Variants in OLFM3 observed in about 807,000 individuals in gnomAD.
The protein encoded by OLFM3 is noelin-3.
Under a neutral mutation model 48.6 loss-of-function variants are expected in OLFM3, and 20 were observed. That is an observed-to-expected ratio of 0.41 (90% CI 0.29 to 0.60). The LOEUF (loss-of-function observed/expected upper bound fraction) is 0.60. Among genes scored for constraint, OLFM3 ranks in the 20% least tolerant of loss-of-function variants. The pLI is 0.28. For synonymous variants in OLFM3, 222 were observed against 198.1 expected (o/e 1.12, Z -1.01); for missense variants, 437 against 544.3 (o/e 0.80, Z 1.96).
Position 101,912,745 on chromosome 1 carries a change from T to A in OLFM3, c.70-75720A>T, listed in dbSNP as rs146179102. The stretch of plus-strand genomic sequence containing the variant: ...CTACCTACAATCTCTTATGATATTA[T>A]CTAAATTTCCTCCATTAGATATTTG... On this transcript the variant is annotated intron_variant, in intron 1 of 5. Transcript: ENST00000370103. 3.3e-4 allele frequency among the ~76,000 whole-genome samples: 51 copies of A among 152,336 alleles called. 1 individual carries two copies. In the East Asian group the frequency reaches 8.9e-3, roughly 27 times the overall value.
intron 3 of OLFM3, among the ~76,000 whole-genome samples, chr1:101,827,922 T>C (rs1223085612): frequency 6.6e-6 from 1 of 152,182 alleles, no homozygotes; most frequent in Non-Finnish European, 1.5e-5. Context: ...GATTGTATCA[T>C]GGGGGTGGTT....
chr1:101,922,013 A>G (rs747726388), intron 1 of OLFM3, among the ~76,000 whole-genome samples: 1 of 151,924 alleles, frequency 6.6e-6, no homozygotes, highest in Non-Finnish European at 1.5e-5. Context: ...GAGCAGAGAT[A>G]GTGACACTGC....
At chr1:101,912,299 T>A (rs1220844190) in intron 1 of OLFM3, among the ~76,000 whole-genome samples, 2 of 152,172 alleles carry the variant, frequency 1.3e-5, no homozygotes, top group Non-Finnish European at 2.9e-5. Context: ...ACACTTTAAA[T>A]CTCAACTAAT....
At chr1:101,810,707 T>C (rs1050521761) in intron 4 of OLFM3, among the ~76,000 whole-genome samples, 1 of 152,002 alleles carries the variant, frequency 6.6e-6, no homozygotes, top group Non-Finnish European at 1.5e-5. Context: ...TTGGCCTTTA[T>C]CCTGTAAGGA....
intron 1 of OLFM3, among the ~76,000 whole-genome samples, chr1:101,929,988 T>G (rs1185927447): frequency 1.3e-5 from 2 of 152,122 alleles, no homozygotes; most frequent in Non-Finnish European, 2.9e-5. Flanking sequence ...GGGTAGTATT[T>G]GTGCAGAAAC....
intron 1 of OLFM3, among the ~76,000 whole-genome samples, chr1:101,930,814 G>A (rs1659423448): frequency 1.3e-5 from 2 of 152,224 alleles, no homozygotes; most frequent in Non-Finnish European, 1.5e-5. Flanking sequence ...AGGGTGGACA[G>A]TTACTAAGTG....
intron 1 of OLFM3, among the ~76,000 whole-genome samples, chr1:101,959,095 G>A (rs111307311): frequency 6.6e-6 from 1 of 150,454 alleles, no homozygotes; most frequent in East Asian, 2.0e-4. Flanking sequence ...AACAATTTTA[G>A]ATAAAATAGT....
In OLFM3 at chr1:101,825,259, C is replaced by G. The variant is rs1432183385; in HGVS notation, c.373-14G>C. ...CTCTTTCAACTCCTGTGAAAAGCAG[C>G]CTATTGTTCCTGAGAGTCATTTAAA... On this transcript the variant is annotated splice_polypyrimidine_tract_variant and intron_variant, in intron 3 of 5. Coordinates refer to ENST00000370103, the MANE Select transcript of OLFM3 (RefSeq NM_058170.4). The G allele has an allele frequency of 3.7e-6, 6 of 1,603,592 alleles. No homozygotes were observed. Among genetic ancestry groups the G allele is most frequent in the South Asian group, 2.2e-5 (2 of 90,318 alleles).
intron 1 of OLFM3, chr1:101,882,387 T>C (rs182731636): frequency 6.7e-6 from 1 of 149,590 alleles, no homozygotes; most frequent in African/African-American, 2.4e-5. Context: ...GATATTGTTA[T>C]ATAATCATAT....
rs545165874 is a variant in OLFM3 at position 101,839,960 on chromosome 1, C to T, written c.70-2935G>A. On this transcript the variant is annotated intron_variant, in intron 1 of 5. Transcript: ENST00000370103. Reference sequence around the variant, plus strand: ...AAAGGTAACTCAAAAGAGGAAAAAACCTAATAGAAAAGATGAGTGCTTGAC... The same window carrying T: ...AAAGGTAACTCAAAAGAGGAAAAAATCTAATAGAAAAGATGAGTGCTTGAC... 2.6e-5 allele frequency among the ~76,000 whole-genome samples: 4 copies of T among 152,230 alleles called. No homozygotes were observed. In the South Asian group the frequency reaches 8.3e-4, roughly 32 times the overall value.
intron 1 of OLFM3, among the ~76,000 whole-genome samples, chr1:101,889,469 A>G (rs910465859): frequency 6.6e-6 from 1 of 152,130 alleles, no homozygotes; most frequent in Non-Finnish European, 1.5e-5. Flanking sequence ...ACGTGGACAC[A>G]GGGTGGGTAA....
chr1:101,816,233 A>C (rs1235240380), intron 4 of OLFM3, among the ~76,000 whole-genome samples: 1 of 152,206 alleles, frequency 6.6e-6, no homozygotes, highest in Non-Finnish European at 1.5e-5. Flanking sequence ...AGTAGCAGCT[A>C]TAAAAGATTC....
Position 101,888,259 on chromosome 1 carries a change from GC to G in OLFM3, c.70-51235del, listed in dbSNP as rs371747739. On this transcript the variant is annotated intron_variant, in intron 1 of 5. Transcript: ENST00000370103. ...ACCTGACTTCAAACTATGCTACAAG[GC>G]TACAGTATCCAAAACAGCATGGTAC... Among the ~76,000 whole-genome samples the G allele has an allele frequency of 3.8e-3, 572 of 152,188 alleles. 6 individuals carry two copies. Among genetic ancestry groups the G allele is most frequent in the African/African-American group, 0.013 (546 of 41,542 alleles).
intron 1 of OLFM3, among the ~76,000 whole-genome samples, chr1:101,895,218 A>G (rs1658152207): frequency 6.6e-6 from 1 of 152,066 alleles, no homozygotes; most frequent in Admixed American, 6.6e-5. Context: ...GTTTTGGACT[A>G]AATTCCTCTA....
chr1:101,971,332 G>T (rs1660798218), intron 1 of OLFM3, among the ~76,000 whole-genome samples: 1 of 152,178 alleles, frequency 6.6e-6, no homozygotes, highest in African/African-American at 2.4e-5. Flanking sequence ...AATAGTTTTT[G>T]CATTGGAATT....
At chr1:101,957,589 G>A (rs1156343500) in intron 1 of OLFM3, among the ~76,000 whole-genome samples, 1 of 152,018 alleles carries the variant, frequency 6.6e-6, no homozygotes, top group South Asian at 2.1e-4. Flanking sequence ...TAATGTGCAT[G>A]ATTGGTTATT....
At chr1:101,909,197 G>A (rs917405222) in intron 1 of OLFM3, among the ~76,000 whole-genome samples, 5 of 152,168 alleles carry the variant, frequency 3.3e-5, no homozygotes, top group Non-Finnish European at 7.3e-5. Flanking sequence ...TCATTCTGAT[G>A]GCCTTGAGTG....
Position 101,837,028 on chromosome 1 carries a change from G to A in OLFM3, c.70-3C>T. Reference sequence around the variant, plus strand: ...CCTTCTTTAGGACTAATCTGAGTCTGAGGAAACCAAAGGGAAACATAAAAC... The same window carrying A: ...CCTTCTTTAGGACTAATCTGAGTCTAAGGAAACCAAAGGGAAACATAAAAC... On this transcript the variant is annotated splice_polypyrimidine_tract_variant and splice_region_variant and intron_variant, in intron 1 of 5. Transcript: ENST00000370103. 1 of 1,607,156 alleles carries A rather than the reference G, an allele frequency of 6.2e-7. No homozygotes were observed. Among genetic ancestry groups the A allele is most frequent in the Non-Finnish European group, 8.5e-7 (1 of 1,176,314 alleles).
chr1:101,935,577 A>T (rs912297977), intron 1 of OLFM3, among the ~76,000 whole-genome samples: 1 of 152,124 alleles, frequency 6.6e-6, no homozygotes, highest in Non-Finnish European at 1.5e-5. Flanking sequence ...TCCTACTAAA[A>T]CTATTCCAAG....
Sources: gnomAD v4.1 joint callset for allele counts (sites outside exome capture counted in the v4.1 genomes callset) on GRCh38, gnomAD v4.1.1 for gene constraint, MANE v1.5 for transcripts, NCBI Gene and HGNC (gene_info 2026-07-23, HGNC 2026-07-21) for gene names.